Variants in TWIST2 observed in about 807,000 individuals in gnomAD.
The protein encoded by TWIST2 is twist family bHLH transcription factor 2, also known as twist-related protein 2.
Under a neutral mutation model 11.6 loss-of-function variants are expected in TWIST2, and 1 was observed. The observed-to-expected ratio is 0.09, with a 90% CI of 0.03 to 0.41. The LOEUF (loss-of-function observed/expected upper bound fraction) is 0.41, where lower values mean the gene tolerates loss of function less well. Ranked by LOEUF, TWIST2 falls within the 10% of genes least tolerant of loss-of-function variation. TWIST2 has a pLI of 0.98. For synonymous variants in TWIST2, 87 were observed against 96.6 expected (o/e 0.90, Z 0.58); for missense variants, 168 against 226.4 (o/e 0.74, Z 1.66).
chr2:238,868,671 G>C (rs1692588668), intron 1 of TWIST2, among the ~76,000 whole-genome samples: 1 of 152,206 alleles, frequency 6.6e-6, no homozygotes, highest in African/African-American at 2.4e-5. Flanking sequence ...TCCAAGGTTG[G>C]TGACTGTCCG....
intron 1 of TWIST2, among the ~76,000 whole-genome samples, chr2:238,908,762 ATGTGTT>A (rs1693399961): frequency 7.1e-6 from 1 of 140,768 alleles, no homozygotes; most frequent in African/African-American, 2.7e-5. Flanking sequence ...TGTGTGTGGT[ATGTGTT>A]TGTGTATGAG....
At chr2:238,902,336 T>A (rs1235638866) in intron 1 of TWIST2, among the ~76,000 whole-genome samples, 1 of 148,276 alleles carries the variant, frequency 6.7e-6, no homozygotes, top group African/African-American at 2.5e-5. Flanking sequence ...TGTGGGGGTG[T>A]GTGGTGTTGG....
intron 1 of TWIST2, among the ~76,000 whole-genome samples, chr2:238,901,846 T>G (rs1693271876): frequency 6.6e-6 from 1 of 152,008 alleles, no homozygotes; most frequent in African/African-American, 2.4e-5. Flanking sequence ...TGAACTCTGC[T>G]GTGATCTCAC....
At chr2:238,882,283 C>T (rs190767811) in intron 1 of TWIST2, among the ~76,000 whole-genome samples, 61 of 152,288 alleles carry the variant, frequency 4.0e-4, no homozygotes, top group African/African-American at 1.2e-3. Flanking sequence ...CTGTGCTTCC[C>T]GAGAGCGTGG....
intron 1 of TWIST2, among the ~76,000 whole-genome samples, chr2:238,888,375 T>C (rs1693077757): frequency 6.6e-6 from 1 of 152,222 alleles, no homozygotes; most frequent in African/African-American, 2.4e-5. Flanking sequence ...AGATTCAACC[T>C]GAATTCTTTA....
chr2:238,892,670 G>A (rs1156998984), intron 1 of TWIST2, among the ~76,000 whole-genome samples: 1 of 151,960 alleles, frequency 6.6e-6, no homozygotes. Context: ...TAGTAGAGAC[G>A]GGATTTCACC....
chr2:238,893,327 T>C (rs1283563429), intron 1 of TWIST2, among the ~76,000 whole-genome samples: 3 of 152,106 alleles, frequency 2.0e-5, no homozygotes, highest in African/African-American at 7.2e-5. Context: ...TTTTCAAGAT[T>C]AATTTGAAGG....
rs1692180313 is a variant in TWIST2 at position 238,848,694 on chromosome 2, A to T, written c.479A>T (p.His160Leu). ...GGCGCGTGGTCCATGTCCGCCTCCC[A>T]CTAGCGCCGCGCCACCCACCTCCGG... ...MEGAWSMSAS[H>L] The change falls in exon 1 of 2, where the codon CAC becomes CTC. Residue 160 changes from histidine to leucine, a missense_variant. This residue lies in a region of TWIST2 where 62 missense variants were observed against 75.3 expected (regional missense o/e 0.82). Transcript: ENST00000612363. The T allele has an allele frequency of 3.3e-6, 5 of 1,511,586 alleles. No individual in the cohort carries two copies. The South Asian group carries it at 3.7e-5, about 11-fold the overall frequency. The allele number at this position is 1,511,586 out of a possible 1,614,324, so 93.6% of individuals were successfully genotyped here. A position where few individuals can be genotyped will look rare whatever the true frequency, so the allele number is the denominator to read the frequency against.
At chr2:238,908,620 T>C (rs1204484341) in intron 1 of TWIST2, among the ~76,000 whole-genome samples, 1 of 152,214 alleles carries the variant, frequency 6.6e-6, no homozygotes, top group Non-Finnish European at 1.5e-5. Context: ...ATGTGGTATA[T>C]AATATACCAT....
chr2:238,884,904 T>C (rs62191075), intron 1 of TWIST2, among the ~76,000 whole-genome samples: 150,348 of 152,308 alleles, frequency 0.99, 74,264 homozygotes, highest in Middle Eastern at 1. Flanking sequence ...CCCACCAGTC[T>C]GCAGGTCACT....
chr2:238,906,645 G>C (rs1693360076), intron 1 of TWIST2, among the ~76,000 whole-genome samples: 1 of 151,952 alleles, frequency 6.6e-6, no homozygotes, highest in Non-Finnish European at 1.5e-5. Context: ...CACACTAGTG[G>C]GCACACTCAC....
chr2:238,893,499 G>T (rs1189682410), intron 1 of TWIST2, among the ~76,000 whole-genome samples: 11 of 152,226 alleles, frequency 7.2e-5, no homozygotes, highest in African/African-American at 1.7e-4. Flanking sequence ...CACAGCCTGT[G>T]CCTCTCCACT....
At chr2:238,890,502 T>C (rs978507018) in intron 1 of TWIST2, among the ~76,000 whole-genome samples, 1 of 152,228 alleles carries the variant, frequency 6.6e-6, no homozygotes, top group Non-Finnish European at 1.5e-5. Context: ...AGGGTTTTTG[T>C]TCCAGAGGTA....
intron 1 of TWIST2, among the ~76,000 whole-genome samples, chr2:238,893,741 C>T (rs886337461): frequency 1.3e-5 from 2 of 152,220 alleles, no homozygotes; most frequent in African/African-American, 2.4e-5. Context: ...CGCCATTGTT[C>T]GCAGCTTCTG....
intron 1 of TWIST2, among the ~76,000 whole-genome samples, chr2:238,860,723 A>C (rs2106352263): frequency 6.6e-6 from 1 of 152,320 alleles, no homozygotes; most frequent in Middle Eastern, 3.4e-3. Context: ...GGATCACCTG[A>C]GGTCAGGAGT....
intron 1 of TWIST2, among the ~76,000 whole-genome samples, chr2:238,871,445 T>A (rs1370526720): frequency 5.4e-5 from 1 of 18,394 alleles, no homozygotes; most frequent in African/African-American, 2.3e-4. Context: ...ACACACACCT[T>A]ACCCCACACA....
At chr2:238,907,968 C>T (rs1693383845) in intron 1 of TWIST2, among the ~76,000 whole-genome samples, 1 of 150,368 alleles carries the variant, frequency 6.7e-6, no homozygotes, top group South Asian at 2.1e-4. Context: ...ACATACCACA[C>T]ACTACACACA....
chr2:238,902,698 GATGTGTGAGGT>G (rs1207518612), intron 1 of TWIST2, among the ~76,000 whole-genome samples: 1 of 141,938 alleles, frequency 7.0e-6, no homozygotes, highest in Non-Finnish European at 1.5e-5. Flanking sequence ...TATGGGGTGT[GATGTGTGAGGT>G]GTGTGTGATG....
rs1049440620 is a variant in TWIST2, at chr2:238,864,114, C to G, written c.*35+15381C>G. 3.3e-5 allele frequency among the ~76,000 whole-genome samples: 5 copies of G among 152,146 alleles called. No individual in the cohort carries two copies. The highest frequency in any genetic ancestry group is 5.9e-5 in the Non-Finnish European group (4 of 68,038). On this transcript the variant is annotated intron_variant, in intron 1 of 1. Transcript: ENST00000612363. The surrounding 1 kb of genome is among the most constrained non-coding windows in gnomAD (Gnocchi z 4.7). ...TATTTCTGGCAAATTCTGGGACCACCTTTGCCAGATGACCAAATCCTTTTC... is the reference window on the plus strand; with the variant it reads ...TATTTCTGGCAAATTCTGGGACCACGTTTGCCAGATGACCAAATCCTTTTC...
Sources: allele counts gnomAD v4.1 joint callset (sites outside exome capture counted in the v4.1 genomes callset), GRCh38; gene constraint gnomAD v4.1.1; regional missense constraint gnomAD v4.1.1; non-coding constraint Gnocchi (gnomAD v3.1); transcripts MANE v1.5; gene names NCBI Gene and HGNC (gene_info 2026-07-23, HGNC 2026-07-21).